The following CCDC175 variants were observed in gnomAD, a reference collection of about 807,000 sequenced individuals.
CCDC175 encodes coiled-coil domain containing 175.
Under a neutral mutation model 114.6 loss-of-function variants are expected in CCDC175, and 100 were observed. The ratio of observed to expected loss-of-function variants is 0.87; its 90% CI spans 0.74 to 1.03. The LOEUF is 1.03. Ranked by LOEUF, CCDC175 falls within the 50% of genes least tolerant of loss-of-function variation. The pLI is 0.00. For synonymous variants in CCDC175, 306 were observed against 308.7 expected (o/e 0.99, Z 0.09); for missense variants, 880 against 917.8 (o/e 0.96, Z 0.53).
chr14:59,569,980 C>T (rs1276671155), intron 3 of CCDC175, among the ~76,000 whole-genome samples: 1 of 152,126 alleles, frequency 6.6e-6, no homozygotes, highest in Admixed American at 6.6e-5. Context: ...AGAGAGGCTG[C>T]GTCTCATTAG....
At chr14:59,507,059 T>G (rs1189052095) in intron 19 of CCDC175, among the ~76,000 whole-genome samples, 2 of 152,198 alleles carry the variant, frequency 1.3e-5, no homozygotes, top group African/African-American at 4.8e-5. Context: ...AATTAACTTA[T>G]TTACCTTTGA....
intron 8 of CCDC175, among the ~76,000 whole-genome samples, chr14:59,547,579 G>A (rs149177203): frequency 1.4e-4 from 21 of 152,296 alleles, no homozygotes; most frequent in African/African-American, 5.1e-4. Context: ...ACAATAGTAT[G>A]ACCACAATGT....
In CCDC175 at chr14:59,505,270, T is replaced by G. The variant is rs1566586765; in HGVS notation, c.2351A>C (p.Lys784Thr). The change falls in exon 20 of 20, where the codon AAA becomes ACA. Residue 784 changes from lysine (K) to threonine (T), a missense_variant. Physicochemically the swap from Lys to Thr is moderately conservative, Grantham distance 78 (BLOSUM62 -1). Transcript: ENST00000537690. Reference protein sequence around the residue: ...IRTRVHFPVVKCTEKNTLTK With the variant: ...IRTRVHFPVVTCTEKNTLTK Reference sequence around the variant, plus strand: ...TGTTAATGTATTTTTCTCAGTACATTTAACCACTGGGAAATGAACCCTTGT... The same window carrying G: ...TGTTAATGTATTTTTCTCAGTACATGTAACCACTGGGAAATGAACCCTTGT... 6.6e-7 allele frequency: 1 copy of G among 1,510,382 alleles called. No individual in the cohort carries two copies. Among genetic ancestry groups the G allele is most frequent in the East Asian group, 2.5e-5 (1 of 40,562 alleles). The allele number at this position is 1,510,382 out of a possible 1,614,324, so 93.6% of individuals were successfully genotyped here.
chr14:59,571,304 A>C (rs1896837380), intron 3 of CCDC175, among the ~76,000 whole-genome samples: 1 of 152,232 alleles, frequency 6.6e-6, no homozygotes, highest in Non-Finnish European at 1.5e-5. Context: ...TTCAAATGTC[A>C]CTATCAACAG....
At chr14:59,574,073 A>T (rs923395830) in intron 2 of CCDC175, among the ~76,000 whole-genome samples, 1 of 152,210 alleles carries the variant, frequency 6.6e-6, no homozygotes, top group Non-Finnish European at 1.5e-5. Context: ...AGCACCACAG[A>T]GCTGCACAAC....
chr14:59,511,693 T>C (rs1892761835), intron 18 of CCDC175, 67 bp downstream of exon 18: 2 of 1,288,950 alleles, frequency 1.6e-6, no homozygotes, highest in Non-Finnish European at 2.2e-6. Context: ...CACACACTTA[T>C]TAGGTAGGTA....
In CCDC175 at chr14:59,531,795, TCTAA is replaced by T. The variant is rs1287404140; in HGVS notation, c.1735_1738del (p.Leu579LysfsTer17). 15 of 1,501,198 alleles carry T rather than the reference TCTAA, an allele frequency of 1.0e-5. No homozygotes were observed. In the South Asian group the frequency reaches 1.6e-4, roughly 16 times the overall value. 93.0% of individuals were successfully genotyped at this position (1,501,198 alleles called of 1,614,324 possible). ...ACCTGTAATAATATTACTGAGCTCT[TCTAA>T]CTTTCTTCTTTTCTCTTTATACTCT... On this transcript the variant is annotated frameshift_variant, in exon 14 of 20. Transcript: ENST00000537690. LOFTEE classifies it high-confidence loss of function.
intron 11 of CCDC175, 91 bp from the exon 12 acceptor site, chr14:59,538,931 T>C: frequency 8.4e-7 from 1 of 1,196,488 alleles, no homozygotes; most frequent in Non-Finnish European, 1.1e-6. Flanking sequence ...AGTCATACTA[T>C]GACTACACAA....
At chr14:59,529,234 C>A (rs999340428) in intron 14 of CCDC175, among the ~76,000 whole-genome samples, 19 of 152,278 alleles carry the variant, frequency 1.2e-4, no homozygotes, top group South Asian at 6.2e-4. Context: ...GTTCACAACA[C>A]CACTGGCTGG....
rs1454028402 is a variant in CCDC175 at position 59,576,641 on chromosome 14, C to A, written c.135G>T (p.Ala45=). 1 of 1,471,944 alleles carries A rather than the reference C, an allele frequency of 6.8e-7. No individual in the cohort carries two copies. The highest frequency in any genetic ancestry group is 2.2e-4 in the Middle Eastern group (1 of 4,482). The allele number at this position is 1,471,944 out of a possible 1,614,324, so 91.2% of individuals were successfully genotyped here. ...TACCCACAACAAACAGCTGCTCCAG[C>A]GCCTCGACCGCGACCGAGGAGCCCA... ...STLGSSVAVE[A]LEQLFVVEQS... is the part of the protein sequence containing the mutation. The change falls in exon 1 of 20, where the codon GCG becomes GCT. Residue 45 remains alanine, a synonymous_variant. Transcript: ENST00000537690.
At chr14:59,512,418 C>A (rs1457194445) in intron 17 of CCDC175, among the ~76,000 whole-genome samples, 6 of 152,194 alleles carry the variant, frequency 3.9e-5, no homozygotes, top group Non-Finnish European at 4.4e-5. Flanking sequence ...CCTGGGTGAG[C>A]CTCCCTGGTT....
At chr14:59,515,816 C>T (rs1339547149) in intron 17 of CCDC175, among the ~76,000 whole-genome samples, 1 of 152,190 alleles carries the variant, frequency 6.6e-6, no homozygotes, top group Non-Finnish European at 1.5e-5. Flanking sequence ...ACCAAGCAGA[C>T]CTAACAGACA....
chr14:59,542,051 C>G (rs1313909848), intron 10 of CCDC175, among the ~76,000 whole-genome samples: 1 of 152,196 alleles, frequency 6.6e-6, no homozygotes, highest in Non-Finnish European at 1.5e-5. Flanking sequence ...ATTTTCATCA[C>G]CCCCTACCTT....
At chr14:59,514,032 C>T (rs559743424) in intron 17 of CCDC175, among the ~76,000 whole-genome samples, 10 of 152,208 alleles carry the variant, frequency 6.6e-5, no homozygotes, top group East Asian at 3.8e-4. Flanking sequence ...CTGCAGCCTC[C>T]GCTGCTGATA....
chr14:59,519,006 A>T (rs1030598431), intron 17 of CCDC175, among the ~76,000 whole-genome samples: 5 of 152,334 alleles, frequency 3.3e-5, no homozygotes, highest in African/African-American at 1.2e-4. Context: ...TGATGAGTTC[A>T]TGTCCTTTGT....
At chr14:59,528,444 A>T (rs1309854418) in intron 14 of CCDC175, among the ~76,000 whole-genome samples, 1 of 152,122 alleles carries the variant, frequency 6.6e-6, no homozygotes, top group Non-Finnish European at 1.5e-5. Flanking sequence ...AGTTCTTTAA[A>T]AACATGAATA....
chr14:59,546,268 G>A (rs1332943190), intron 8 of CCDC175, among the ~76,000 whole-genome samples: 1 of 152,082 alleles, frequency 6.6e-6, no homozygotes, highest in East Asian at 1.9e-4. Context: ...TAAATATTAG[G>A]TATACATGGA....
chr14:59,549,595 C>T (rs189080286), intron 8 of CCDC175, among the ~76,000 whole-genome samples: 23 of 151,740 alleles, frequency 1.5e-4, no homozygotes, highest in African/African-American at 5.1e-4. Flanking sequence ...TGGCACAAGC[C>T]TGTAATCCCA....
intron 9 of CCDC175, among the ~76,000 whole-genome samples, chr14:59,543,866 C>T (rs1894940168): frequency 1.3e-5 from 2 of 152,172 alleles, no homozygotes; most frequent in South Asian, 2.1e-4. Flanking sequence ...ATAGTAACCA[C>T]AAAACAACAA....
Sources: allele counts gnomAD v4.1 joint callset (sites outside exome capture counted in the v4.1 genomes callset), GRCh38; gene constraint gnomAD v4.1.1; transcripts MANE v1.5; gene names NCBI Gene and HGNC (gene_info 2026-07-23, HGNC 2026-07-21).